AHI1: variants seen among roughly 807,000 people sequenced by gnomAD.
AHI1 encodes the protein jouberin.
In AHI1, 123 loss-of-function variants were observed where a neutral mutation model predicts 149.3. That is an observed-to-expected ratio of 0.82 (90% CI 0.71 to 0.96). AHI1 has a LOEUF of 0.96. AHI1 is among the 40% of genes least tolerant of loss of function. The pLI is 0.00. For synonymous variants in AHI1, 475 were observed against 459.8 expected, an observed-to-expected ratio of 1.03 and a Z score of -0.42; for missense variants, 1,439 against 1,422.7, an observed-to-expected ratio of 1.01 and a Z score of -0.18.
chr6:135,493,693 C>T (rs753675544), intron 3 of AHI1, among the ~76,000 whole-genome samples: 3 of 152,076 alleles, frequency 2.0e-5, no homozygotes, highest in Admixed American at 2.0e-4. Context: ...TTATACTACT[C>T]GATGGTCATC....
intron 25 of AHI1, among the ~76,000 whole-genome samples, chr6:135,319,742 T>G (rs533479899): frequency 1.1e-4 from 17 of 152,358 alleles, no homozygotes; most frequent in African/African-American, 3.8e-4. Flanking sequence ...ATTGTACAAC[T>G]AAGATTATGA....
Position 135,355,183 on chromosome 6 carries a change from G to T in AHI1, c.3165+2949C>A, listed in dbSNP as rs371565875. 9.5e-4 allele frequency among the ~76,000 whole-genome samples: 144 copies of T among 152,170 alleles called. 2 individuals carry two copies. The highest frequency in any genetic ancestry group is 3.1e-3 in the African/African-American group (128 of 41,520). On this transcript the variant is annotated intron_variant, in intron 24 of 28. Transcript: ENST00000265602. ...GAACAACTAGAAAATGTACTCTGAG[G>T]TATAAACAAAATGAAGAGCTCAGCA...
rs1167083326 is a variant in AHI1, at chr6:135,376,881, CAAAAAAAAAAAAAAAAAAAAAA to C, written c.3109+17873_3109+17894del. Among the ~76,000 whole-genome samples, 29 of 29,442 alleles carry C rather than the reference CAAAAAAAAAAAAAAAAAAAAAA, an allele frequency of 9.8e-4. 1 individual carries two copies. Among genetic ancestry groups the C allele is most frequent in the African/African-American group, 3.2e-3 (20 of 6,244 alleles). 19.3% of individuals were successfully genotyped at this position (29,442 alleles called of 152,430 possible). A position where few individuals can be genotyped will look rare whatever the true frequency, so the allele number is the denominator to read the frequency against. Reference sequence around the variant, plus strand: ...TCGGTGACAGAGCGAGACTCCATCTCAAAAAAAAAAAAAAAAAAAAAAAAAAAAAAAAAAAAAAAAGTTGGTC... The same window carrying C: ...TCGGTGACAGAGCGAGACTCCATCTCAAAAAAAAAAAAAAAAAAGTTGGTC... On this transcript the variant is annotated intron_variant, in intron 23 of 28. Coordinates refer to ENST00000265602, the MANE Select transcript of AHI1 (RefSeq NM_001134831.2).
intron 23 of AHI1, among the ~76,000 whole-genome samples, chr6:135,368,425 T>C (rs758339533): frequency 1.4e-4 from 22 of 152,096 alleles, no homozygotes; most frequent in Non-Finnish European, 2.8e-4. Context: ...GTTTCTTAGG[T>C]GGTGGGCAGG....
intron 23 of AHI1, among the ~76,000 whole-genome samples, chr6:135,388,721 C>T (rs142651559): frequency 6.6e-6 from 1 of 152,072 alleles, no homozygotes; most frequent in East Asian, 1.9e-4. Context: ...TGAAAAAATG[C>T]AGTTCTTCGA....
At chr6:135,495,151 G>T (rs552269625) in intron 3 of AHI1, among the ~76,000 whole-genome samples, 50 of 151,324 alleles carry the variant, frequency 3.3e-4, no homozygotes, top group Admixed American at 1.6e-3. Flanking sequence ...TTTGTTTTAA[G>T]ATTGTTTCCA....
rs760684316 is a variant in AHI1, at chr6:135,428,743, ACTTC to A, written c.2505_2508del (p.Arg835SerfsTer3). On this transcript the variant is annotated frameshift_variant, in exon 19 of 29. Transcript: ENST00000265602. LOFTEE classifies it high-confidence loss of function. ...TCCCGATAATTTGCTGCTCCTACAA[ACTTC>A]CTTGCTACTAATCTACAAGCAAAAA... 6.2e-7 allele frequency: 1 copy of A among 1,603,456 alleles called. No individual in the cohort carries two copies. The highest frequency in any genetic ancestry group is 8.5e-7 in the Non-Finnish European group (1 of 1,174,058).
At chr6:135,384,245 A>G (rs1777265098) in intron 23 of AHI1, among the ~76,000 whole-genome samples, 2 of 152,222 alleles carry the variant, frequency 1.3e-5, no homozygotes. Flanking sequence ...GAAGTTAGAT[A>G]AATTTAAAAT....
At chr6:135,428,790 C>A in intron 18 of AHI1, 31 bp from the exon 19 acceptor site, 1 of 1,560,304 alleles carries the variant, frequency 6.4e-7, no homozygotes, top group South Asian at 1.2e-5. Context: ...ACAAATGTAA[C>A]TGTCTTAATC....
chr6:135,404,800 G>GT, intron 22 of AHI1, 151 bp downstream of exon 22: 1 of 634,386 alleles, frequency 1.6e-6, no homozygotes, highest in Non-Finnish European at 2.7e-6. Flanking sequence ...TTCCAGTATT[G>GT]TAATTCTGTG....
rs1465455174 is a variant in AHI1, at chr6:135,492,323, T to C, written c.-54-32A>G. 4 of 1,471,862 alleles carry C rather than the reference T, an allele frequency of 2.7e-6. No homozygotes were observed. The African/African-American group carries it at 5.7e-5, about 21-fold the overall frequency. 91.2% of individuals were successfully genotyped at this position (1,471,862 alleles called of 1,614,324 possible). A position where few individuals can be genotyped will look rare whatever the true frequency, so the allele number is the denominator to read the frequency against. ...AAACAAAGGAGATGTATTTGTAATATGGAACTTCCAAATAAAAATTATAAA... is the reference window on the plus strand; with the variant it reads ...AAACAAAGGAGATGTATTTGTAATACGGAACTTCCAAATAAAAATTATAAA... On this transcript the variant is annotated intron_variant, in intron 3 of 28. Transcript: ENST00000265602.
intron 21 of AHI1, among the ~76,000 whole-genome samples, chr6:135,408,753 G>A (rs1287433923): frequency 2.0e-5 from 3 of 152,104 alleles, no homozygotes; most frequent in African/African-American, 7.2e-5. Context: ...CAATGAACAA[G>A]GGTGCACAGC....
In AHI1 at chr6:135,455,811, G is replaced by C. The variant is rs777668842; in HGVS notation, c.1267C>G (p.Gln423Glu). 2.5e-6 allele frequency: 4 copies of C among 1,601,116 alleles called. No individual in the cohort carries two copies. The South Asian group carries it at 4.5e-5, about 18-fold the overall frequency. ...GGAAAATTTTCATTAAATACAATTT[G>C]TTCTTCCCACTCTGGAAGTCTTGAT... ...LKSRLPEWEE[Q>E]IVFNENFPYL... is the part of the protein sequence containing the mutation. The change falls in exon 10 of 29, where the codon CAA becomes GAA. Residue 423 changes from glutamine (Q) to glutamate (E), a missense_variant. Physicochemically the swap from Gln to Glu is conservative, Grantham distance 29. Coordinates refer to ENST00000265602, the MANE Select transcript of AHI1 (RefSeq NM_001134831.2).
intron 24 of AHI1, among the ~76,000 whole-genome samples, chr6:135,349,108 C>T (rs1791683069): frequency 6.6e-6 from 1 of 152,112 alleles, no homozygotes; most frequent in Non-Finnish European, 1.5e-5. Context: ...CCTCAGCCTC[C>T]AGAGTGGCTG....
At chr6:135,295,505 G>A (rs757135297) in intron 27 of AHI1, among the ~76,000 whole-genome samples, 2 of 152,114 alleles carry the variant, frequency 1.3e-5, no homozygotes, top group Non-Finnish European at 2.9e-5. Context: ...ACAAAGACTT[G>A]TATATAAATG....
At chr6:135,427,062 A>T (rs2757639) in intron 20 of AHI1, 105 bp downstream of exon 20, 1 of 1,154,344 alleles carries the variant, frequency 8.7e-7, no homozygotes, top group Non-Finnish European at 1.2e-6. Context: ...GGGCACAATT[A>T]TTATGTGTAC....
intron 4 of AHI1, among the ~76,000 whole-genome samples, chr6:135,491,494 C>T (rs771196747): frequency 2.0e-5 from 3 of 152,168 alleles, no homozygotes; most frequent in Non-Finnish European, 4.4e-5. Flanking sequence ...TAAAACACCT[C>T]CTGACAAACT....
intron 24 of AHI1, among the ~76,000 whole-genome samples, chr6:135,356,998 G>A (rs993600185): frequency 1.1e-4 from 16 of 152,160 alleles, no homozygotes; most frequent in African/African-American, 3.6e-4. Flanking sequence ...AAGTGCAGTG[G>A]TGCAATCTCG....
chr6:135,295,849 T>C (rs1332413867), intron 27 of AHI1, among the ~76,000 whole-genome samples: 6 of 152,224 alleles, frequency 3.9e-5, no homozygotes, highest in Admixed American at 2.0e-4. Flanking sequence ...GTTTATTTTA[T>C]TTAATTTCAT....
Sources: allele counts gnomAD v4.1 joint callset (sites outside exome capture counted in the v4.1 genomes callset), GRCh38; gene constraint gnomAD v4.1.1; transcripts MANE v1.5; gene names NCBI Gene and HGNC (gene_info 2026-07-23, HGNC 2026-07-21).